Variants in TAFA4 observed in about 807,000 individuals in gnomAD.
TAFA4 encodes chemokine-like protein TAFA-4.
TAFA4 carries 20 observed loss-of-function variants against 21.1 expected under a neutral mutation model. The ratio of observed to expected loss-of-function variants is 0.95; its 90% CI spans 0.67 to 1.38. TAFA4 has a LOEUF of 1.38. Ranked by LOEUF, TAFA4 falls within the 40% of genes most tolerant of loss-of-function variation. The pLI is 0.00. For synonymous variants in TAFA4, 71 were observed against 67.4 expected, an observed-to-expected ratio of 1.05 and a Z score of -0.26; for missense variants, 211 against 180.9, an observed-to-expected ratio of 1.17 and a Z score of -0.95.
At chr3:68,753,706 C>T (rs1702606774) in intron 3 of TAFA4, among the ~76,000 whole-genome samples, 1 of 152,020 alleles carries the variant, frequency 6.6e-6, no homozygotes, top group African/African-American at 2.4e-5. Context: ...CTCAAATGAG[C>T]CCTGAAAAGC....
intron 3 of TAFA4, among the ~76,000 whole-genome samples, chr3:68,805,965 A>T (rs1288613417): frequency 1.2e-4 from 18 of 152,142 alleles, no homozygotes; most frequent in East Asian, 1.2e-3. Context: ...TAATAACAAA[A>T]TTTTTTTTAA....
intron 3 of TAFA4, among the ~76,000 whole-genome samples, chr3:68,818,692 G>A (rs997342527): frequency 2.0e-5 from 3 of 152,138 alleles, no homozygotes; most frequent in Non-Finnish European, 2.9e-5. Flanking sequence ...ATGGGAGAAC[G>A]GCTGGTCAGT....
chr3:68,740,779 A>T (rs1702334119), intron 4 of TAFA4, among the ~76,000 whole-genome samples: 1 of 152,092 alleles, frequency 6.6e-6, no homozygotes, highest in South Asian at 2.1e-4. Context: ...TCATAGTTTC[A>T]CTTCACAGAT....
At chr3:68,788,188 T>G (rs1703295620) in intron 3 of TAFA4, among the ~76,000 whole-genome samples, 2 of 152,138 alleles carry the variant, frequency 1.3e-5, no homozygotes, top group South Asian at 4.2e-4. Context: ...CATGGCAGTA[T>G]CTCTATAGCT....
intron 3 of TAFA4, among the ~76,000 whole-genome samples, chr3:68,800,399 T>A (rs1256362640): frequency 2.6e-5 from 4 of 152,328 alleles, no homozygotes; most frequent in African/African-American, 9.6e-5. Context: ...TAATACAGAA[T>A]AACGGTGCTG....
intron 3 of TAFA4, among the ~76,000 whole-genome samples, chr3:68,808,275 T>C (rs1377983894): frequency 6.6e-6 from 1 of 152,110 alleles, no homozygotes; most frequent in Non-Finnish European, 1.5e-5. Context: ...TTCCAGCTGG[T>C]CCTGGGCCCT....
intron 3 of TAFA4, among the ~76,000 whole-genome samples, chr3:68,803,168 GTAAA>G (rs1703613121): frequency 6.6e-6 from 1 of 152,128 alleles, no homozygotes; most frequent in South Asian, 2.1e-4. Flanking sequence ...CCAGGCTTCA[GTAAA>G]TAAATACATG....
intron 1 of TAFA4, among the ~76,000 whole-genome samples, chr3:68,925,225 G>T (rs1248391321): frequency 6.6e-6 from 1 of 152,162 alleles, no homozygotes; most frequent in Non-Finnish European, 1.5e-5. Flanking sequence ...GTGTGTGAGT[G>T]TGTGTTGAGA....
intron 5 of TAFA4, among the ~76,000 whole-genome samples, chr3:68,734,491 G>A (rs1474671669): frequency 6.6e-6 from 1 of 152,138 alleles, no homozygotes; most frequent in South Asian, 2.1e-4. Flanking sequence ...AGAGTTAAAT[G>A]CAAGGACTTT....
chr3:68,817,790 A>G (rs11918673), intron 3 of TAFA4, among the ~76,000 whole-genome samples: 56,369 of 151,956 alleles, frequency 0.37, 11,237 homozygotes, highest in Non-Finnish European at 0.45. Flanking sequence ...GTTCTCAACA[A>G]TGGGCTTAAA....
intron 3 of TAFA4, among the ~76,000 whole-genome samples, chr3:68,823,356 TC>T (rs1247437785): frequency 6.6e-6 from 1 of 152,200 alleles, no homozygotes; most frequent in Non-Finnish European, 1.5e-5. Flanking sequence ...TCATCTCACA[TC>T]TCAGTTATTG....
At position 68,781,239 on chromosome 3, in the gene TAFA4, A is replaced by G. The variant is rs149909340; in HGVS notation, c.131-28221T>C. ...AAGATTCCATATAACTTAAAACTATATAAAGAAGAGCAAATTAAATCCAAA... is the reference window on the plus strand; with the variant it reads ...AAGATTCCATATAACTTAAAACTATGTAAAGAAGAGCAAATTAAATCCAAA... On this transcript the variant is annotated intron_variant, in intron 3 of 5. Coordinates refer to ENST00000295569, the MANE Select transcript of TAFA4 (RefSeq NM_182522.5). Among the ~76,000 whole-genome samples the G allele has an allele frequency of 2.7e-5, 4 of 146,968 alleles. No individual in the cohort carries two copies. In the East Asian group the frequency reaches 1.0e-3, roughly 38 times the overall value.
At chr3:68,848,376 A>G (rs556357752) in intron 3 of TAFA4, among the ~76,000 whole-genome samples, 1 of 152,368 alleles carries the variant, frequency 6.6e-6, no homozygotes, top group East Asian at 1.9e-4. Flanking sequence ...CTATGTATCA[A>G]CGAATAAAAA....
chr3:68,780,585 A>G (rs535616562), intron 3 of TAFA4, among the ~76,000 whole-genome samples: 3 of 152,226 alleles, frequency 2.0e-5, no homozygotes, highest in African/African-American at 7.2e-5. Context: ...GCCTGCTGCC[A>G]TCAGTGTAAA....
chr3:68,837,502 T>C (rs1464830692), intron 3 of TAFA4, among the ~76,000 whole-genome samples: 1 of 152,156 alleles, frequency 6.6e-6, no homozygotes, highest in Non-Finnish European at 1.5e-5. Flanking sequence ...TTTTCCAACT[T>C]AGTAAACATC....
intron 3 of TAFA4, among the ~76,000 whole-genome samples, chr3:68,802,962 G>C (rs1454752531): frequency 6.6e-6 from 1 of 152,144 alleles, no homozygotes; most frequent in East Asian, 1.9e-4. Flanking sequence ...AAGCTTACAG[G>C]GATGCTGAGC....
At chr3:68,875,070 G>A (rs1225466472) in intron 3 of TAFA4, among the ~76,000 whole-genome samples, 1 of 152,092 alleles carries the variant, frequency 6.6e-6, no homozygotes, top group East Asian at 1.9e-4. Context: ...TACAAAATGA[G>A]TAAGTATTTT....
rs555288923 is a variant in TAFA4 at position 68,803,434 on chromosome 3, T to C, written c.131-50416A>G. On this transcript the variant is annotated intron_variant, in intron 3 of 5. Transcript: ENST00000295569. ...CTGGGCAAGGCTGATTTATTCCCAG[T>C]TGCTGTGTTTATGTGGCCTTGCTTT... is the stretch of plus-strand genomic sequence containing the variant. 6.6e-5 allele frequency among the ~76,000 whole-genome samples: 10 copies of C among 152,230 alleles called. No homozygotes were observed. In the South Asian group the frequency reaches 1.2e-3, roughly 19 times the overall value.
chr3:68,881,444 A>T (rs1198517665), intron 2 of TAFA4, among the ~76,000 whole-genome samples: 1 of 152,214 alleles, frequency 6.6e-6, no homozygotes, highest in Non-Finnish European at 1.5e-5. Flanking sequence ...AATTCCGTTC[A>T]CATGACAATT....
Sources: allele counts gnomAD v4.1 joint callset (sites outside exome capture counted in the v4.1 genomes callset), GRCh38; gene constraint gnomAD v4.1.1; transcripts MANE v1.5; gene names NCBI Gene and HGNC (gene_info 2026-07-23, HGNC 2026-07-21).